The following FTCD variants were observed in gnomAD, a reference collection of about 807,000 sequenced individuals.
FTCD encodes the protein formimidoyltransferase-cyclodeaminase.
In FTCD, 76 loss-of-function variants were observed where a neutral mutation model predicts 62.9. The ratio of observed to expected loss-of-function variants is 1.21; its 90% CI spans 1.00 to 1.46. FTCD has a LOEUF of 1.46. Among genes scored for constraint, FTCD ranks in the 40% most tolerant of loss-of-function variants. The pLI, the probability that FTCD is intolerant of heterozygous loss-of-function variation, is 0.00. For missense variants in FTCD, 845 were observed against 751.3 expected (o/e 1.12, Z -1.46); for synonymous variants, 397 against 336.9 (o/e 1.18, Z -1.95).
chr21:46,146,101 C>T (rs2079141294), intron 8 of FTCD, among the ~76,000 whole-genome samples, 154 bp from the exon 9 acceptor site: 3 of 151,928 alleles, frequency 2.0e-5, no homozygotes, highest in African/African-American at 7.2e-5. Flanking sequence ...GTCTCTGTGC[C>T]CCCCTCAGCC....
chr21:46,144,404 ACCTACCTCTCTCCCCCCTCCCTCCCTC>A (rs2079080680), intron 10 of FTCD, among the ~76,000 whole-genome samples: 1 of 19,864 alleles, frequency 5.0e-5, no homozygotes, highest in Non-Finnish European at 9.9e-5. Flanking sequence ...CTCTCTCTCC[ACCTACCTCTCTCCCCCCTCCCTCCCTC>A]CCCTCTTTCC....
Position 46,152,988 on chromosome 21 carries a change from CG to C in FTCD, c.285del (p.Val96Ter). On this transcript the variant is annotated frameshift_variant, in exon 3 of 14. Coordinates refer to ENST00000397746, the MANE Select transcript of FTCD (RefSeq NM_206965.2). LOFTEE classifies it high-confidence loss of function. ...CACTCATCCACGCTGACGCCCCTCA[CG>C]GGGATGAAGGGGCAGACGTCTAGGG... is the stretch of plus-strand genomic sequence containing the variant. ...MGALDVCPFI[P>X]VRGVSVDECV... 1 of 1,552,544 alleles carries C rather than the reference CG, an allele frequency of 6.4e-7. No individual in the cohort carries two copies. The highest frequency in any genetic ancestry group is 8.7e-7 in the Non-Finnish European group (1 of 1,148,018).
downstream of FTCD, chr21:46,136,448 G>T: frequency 6.2e-7 from 1 of 1,612,640 alleles, no homozygotes; most frequent in Non-Finnish European, 8.5e-7. Flanking sequence ...CACCTGGGAA[G>T]CGAGGCTATC....
chr21:46,137,130 G>A (rs2078887002), intron 13 of FTCD, 57 bp from the exon 14 acceptor site: 2 of 1,609,350 alleles, frequency 1.2e-6, no homozygotes, highest in East Asian at 2.2e-5. Context: ...CCAGCTTGCT[G>A]GGCAGCAACC....
At chr21:46,146,768 T>C (rs1190688297) in intron 7 of FTCD, 3 of 192,242 alleles carry the variant, frequency 1.6e-5, no homozygotes, top group African/African-American at 2.3e-5. Context: ...CATAAACTTG[T>C]ATGCCACAAA....
At chr21:46,152,415 G>GT (rs1043891547) in intron 3 of FTCD, 21 of 205,822 alleles carry the variant, frequency 1.0e-4, no homozygotes, top group African/African-American at 4.9e-4. Flanking sequence ...TGGCATGACC[G>GT]TGACGGGGGT....
Position 46,137,017 on chromosome 21 carries a change from C to T in FTCD, c.1596G>A (p.Val532=). The stretch of plus-strand genomic sequence containing the variant: ...CCTGCCGGGTCTCCAAGCAGTCCAG[C>T]ACCAGTGCAGCCTGGGTCTTGGCTT... The part of the protein sequence containing the change: ...LQEAKTQAAL[V]LDCLETRQE The change falls in exon 14 of 14, where the codon GTG becomes GTA. Residue 532 remains valine (V), a synonymous_variant. Coordinates refer to ENST00000397746, the MANE Select transcript of FTCD (RefSeq NM_206965.2). 1.2e-6 allele frequency: 2 copies of T among 1,613,624 alleles called. No individual in the cohort carries two copies. Among genetic ancestry groups the T allele is most frequent in the Non-Finnish European group, 1.7e-6 (2 of 1,180,000 alleles).
At chr21:46,136,376 C>A, downstream of FTCD, 2 of 1,506,846 alleles carry the variant, frequency 1.3e-6, no homozygotes, top group Non-Finnish European at 9.2e-7. Flanking sequence ...GAAGGGTGGA[C>A]GGGAACTGAG....
chr21:46,145,325 C>G (rs1017900991), intron 10 of FTCD, 92 bp downstream of exon 10: 1 of 1,112,970 alleles, frequency 9.0e-7, no homozygotes, highest in African/African-American at 1.5e-5. Flanking sequence ...CAGCCCCTCC[C>G]CAGCCGGAGG....
At chr21:46,151,828 C>T (rs982191209) in intron 4 of FTCD, 64 bp downstream of exon 4, 53 of 1,570,298 alleles carry the variant, frequency 3.4e-5, no homozygotes, top group Non-Finnish European at 4.2e-5. Flanking sequence ...GCCCAGCCAC[C>T]CCAGCCAGGA....
rs2078890590 is a variant in FTCD, at chr21:46,137,262, T to TG, written c.1515dup (p.Thr506HisfsTer6). On this transcript the variant is annotated frameshift_variant, in exon 13 of 14. Coordinates refer to ENST00000397746, the MANE Select transcript of FTCD (RefSeq NM_206965.2). LOFTEE classifies it high-confidence loss of function. ...ACCTGGTCCTTAAATGCCTCGTCTG[T>TG]GATGTCCCTCAGGTTGATGAGCACG... is the stretch of plus-strand genomic sequence containing the variant. 6.2e-7 allele frequency: 1 copy of TG among 1,613,556 alleles called. No individual in the cohort carries two copies. The highest frequency in any genetic ancestry group is 1.3e-5 in the African/African-American group (1 of 75,044).
At chr21:46,145,392 G>A (rs2079115356) in intron 10 of FTCD, 25 bp downstream of exon 10, 1 of 1,523,886 alleles carries the variant, frequency 6.6e-7, no homozygotes, top group Non-Finnish European at 8.8e-7. Context: ...GGGGCCCGGG[G>A]AGCCCTGCTG....
intron 10 of FTCD, among the ~76,000 whole-genome samples, chr21:46,143,068 C>T (rs1022191049): frequency 6.6e-6 from 1 of 152,182 alleles, no homozygotes; most frequent in African/African-American, 2.4e-5. Context: ...ACGGGACCCT[C>T]AGGCGACTCC....
At chr21:46,153,934 C>T (rs929270520) in intron 2 of FTCD, among the ~76,000 whole-genome samples, 6 of 152,062 alleles carry the variant, frequency 3.9e-5, no homozygotes, top group East Asian at 1.9e-4. Context: ...GGGAGCGTGG[C>T]GACCTGGGGG....
At chr21:46,152,212 G>A (rs1396469904) in intron 3 of FTCD, 24 of 526,522 alleles carry the variant, frequency 4.6e-5, no homozygotes, top group Middle Eastern at 4.9e-4. Context: ...CTGAAAAGGC[G>A]AATTGCAGGG....
At position 46,138,498 on chromosome 21, in the gene FTCD, GCC is replaced by G. The variant is rs372045405; in HGVS notation, c.1443+8_1443+9del. 6.3e-7 allele frequency: 1 copy of G among 1,578,978 alleles called. No homozygotes were observed. Among genetic ancestry groups the G allele is most frequent in the South Asian group, 1.1e-5 (1 of 87,440 alleles). On this transcript the variant is annotated splice_region_variant and intron_variant, in intron 12 of 13. Transcript: ENST00000397746. ...CGGCAGGAGGCCTGGGGTCCCCCGG[GCC>G]CCCCTACCTGGAGGTCTGACCGGCA...
chr21:46,136,471 A>G, downstream of FTCD: 1 of 1,612,632 alleles, frequency 6.2e-7, no homozygotes, highest in Middle Eastern at 1.6e-4. Flanking sequence ...TCCAGCGTCG[A>G]AGGTCCTGCT....
intron 10 of FTCD, among the ~76,000 whole-genome samples, chr21:46,139,569 C>T (rs2078949145): frequency 1.3e-5 from 2 of 152,358 alleles, no homozygotes; most frequent in African/African-American, 2.4e-5. Context: ...GGAATATGCT[C>T]ACTTCATCTT....
In FTCD at chr21:46,151,967, G is replaced by C; in HGVS notation, c.381C>G (p.Gly127=). 1 of 1,566,664 alleles carries C rather than the reference G, an allele frequency of 6.4e-7. No individual in the cohort carries two copies. Among genetic ancestry groups the C allele is most frequent in the Non-Finnish European group, 8.6e-7 (1 of 1,156,234 alleles). The change falls in exon 4 of 14, where the codon GGC becomes GGG. Residue 127 remains glycine, a synonymous_variant. Transcript: ENST00000397746. ...GGCGACTGTCCATCCTGGCTGCCTC[G>C]CCGTACAGGTAAACTGCAGGAGAGC... ...EELDVPVYLY[G]EAARMDSRRT...
Sources: allele counts gnomAD v4.1 joint callset (sites outside exome capture counted in the v4.1 genomes callset), GRCh38; gene constraint gnomAD v4.1.1; transcripts MANE v1.5; gene names NCBI Gene and HGNC (gene_info 2026-07-23, HGNC 2026-07-21).